The following LYPLAL1 variants were observed in gnomAD, a reference collection of about 807,000 sequenced individuals.
LYPLAL1 encodes lysophospholipase-like protein 1.
Under a neutral mutation model 19.7 loss-of-function variants are expected in LYPLAL1, and 23 were observed. The observed-to-expected ratio is 1.17, with a 90% CI of 0.84 to 1.65. The LOEUF (loss-of-function observed/expected upper bound fraction) is 1.65, where lower values mean the gene tolerates loss of function less well. LYPLAL1 is among the 40% of genes most tolerant of loss of function. The pLI is 0.00. For missense variants in LYPLAL1, 355 were observed against 279.4 expected (o/e 1.27, Z -1.93); for synonymous variants, 119 against 96.3 (o/e 1.24, Z -1.38).
chr1:219,236,903 C>T, the LYPLAL1 span, among the ~76,000 whole-genome samples: 2 of 152,100 alleles, frequency 1.3e-5, no homozygotes, highest in Non-Finnish European at 2.9e-5. Flanking sequence ...TGATGCTCTC[C>T]CTCCCCCACA....
the LYPLAL1 span, among the ~76,000 whole-genome samples, chr1:219,416,485 A>T: frequency 1.3e-5 from 2 of 152,228 alleles, no homozygotes; most frequent in Admixed American, 1.3e-4. Flanking sequence ...GCAATCTTCT[A>T]TTGAAGGGTA....
At chr1:219,279,773 CAA>C in the LYPLAL1 span, among the ~76,000 whole-genome samples, 1 of 152,004 alleles carries the variant, frequency 6.6e-6, no homozygotes, top group Admixed American at 6.5e-5. Flanking sequence ...CAGAGAAAAC[CAA>C]AGTCAAAAGG....
At chr1:219,200,296 C>A in intron 3 of LYPLAL1, 1 of 213,656 alleles carries the variant, frequency 4.7e-6, no homozygotes, top group Non-Finnish European at 1.0e-5. Context: ...TCCAGTACTT[C>A]TGTTTCATCA....
At chr1:219,200,302 C>A in intron 3 of LYPLAL1, 1 of 209,752 alleles carries the variant, frequency 4.8e-6, no homozygotes, top group South Asian at 9.4e-5. Flanking sequence ...ACTTCTGTTT[C>A]ATCAGTCATT....
the LYPLAL1 span, among the ~76,000 whole-genome samples, chr1:219,427,453 T>G: frequency 6.6e-6 from 1 of 152,248 alleles, no homozygotes; most frequent in Non-Finnish European, 1.5e-5. Context: ...TCATCCTGTG[T>G]GTGCAAATTG....
Position 219,211,666 on chromosome 1 carries a change from T to A in LYPLAL1, c.652T>A (p.Leu218Ile). 9 of 1,613,154 alleles carry A rather than the reference T, an allele frequency of 5.6e-6. No homozygotes were observed. The highest frequency in any genetic ancestry group is 7.6e-6 in the Non-Finnish European group (9 of 1,179,468). The change falls in exon 5 of 5, where the codon TTA becomes ATA. Residue 218 changes from leucine (L) to isoleucine (I), a missense_variant. Physicochemically the swap from Leu to Ile is conservative, Grantham distance 5 (BLOSUM62 2). Coordinates refer to ENST00000366928, the MANE Select transcript of LYPLAL1 (RefSeq NM_138794.5). Reference protein sequence around the residue: ...NVYHELSKTELDILKLWILTK... With the variant: ...NVYHELSKTEIDILKLWILTK... ...TTACCATGAGCTAAGCAAAACTGAG[T>A]TAGACATATTGAAGTTATGGATTCT...
chr1:219,188,243 A>G (rs1656878012), intron 2 of LYPLAL1, among the ~76,000 whole-genome samples: 1 of 151,860 alleles, frequency 6.6e-6, no homozygotes, highest in South Asian at 2.1e-4. Context: ...AAGGGAAATT[A>G]AATGTAATAA....
chr1:219,289,027 C>T, the LYPLAL1 span, among the ~76,000 whole-genome samples: 1 of 150,656 alleles, frequency 6.6e-6, no homozygotes, highest in Admixed American at 6.6e-5. Flanking sequence ...GGCTCCTTTC[C>T]TTCTAGGGAG....
chr1:219,287,947 G>T, the LYPLAL1 span, among the ~76,000 whole-genome samples: 1 of 152,150 alleles, frequency 6.6e-6, no homozygotes, highest in African/African-American at 2.4e-5. Flanking sequence ...TTTGCCTTCT[G>T]CCATGATTGT....
chr1:219,176,843 A>C (rs547761048), intron 1 of LYPLAL1, among the ~76,000 whole-genome samples: 8 of 152,348 alleles, frequency 5.3e-5, no homozygotes, highest in African/African-American at 1.7e-4. Context: ...GAATCCATTC[A>C]TTCAAGAAAT....
chr1:219,415,608 A>G, the LYPLAL1 span, among the ~76,000 whole-genome samples: 1 of 152,236 alleles, frequency 6.6e-6, no homozygotes, highest in African/African-American at 2.4e-5. Context: ...TTGCACTTCA[A>G]TGGAAATTGA....
downstream of LYPLAL1, among the ~76,000 whole-genome samples, chr1:219,213,549 A>G (rs1659181574): frequency 6.6e-6 from 1 of 152,010 alleles, no homozygotes; most frequent in Non-Finnish European, 1.5e-5. Flanking sequence ...TAATCCACAA[A>G]CATGATATGT....
At chr1:219,225,154 T>A in the LYPLAL1 span, among the ~76,000 whole-genome samples, 2 of 152,170 alleles carry the variant, frequency 1.3e-5, no homozygotes, top group African/African-American at 4.8e-5. Context: ...TAAGCACTCA[T>A]CCTAGTTCCA....
At chr1:219,419,462 G>T in the LYPLAL1 span, among the ~76,000 whole-genome samples, 2 of 151,082 alleles carry the variant, frequency 1.3e-5, no homozygotes, top group Non-Finnish European at 2.9e-5. Context: ...TTGAGAAAAA[G>T]GAATGCTGAT....
At chr1:219,263,362 A>G in the LYPLAL1 span, among the ~76,000 whole-genome samples, 1 of 152,094 alleles carries the variant, frequency 6.6e-6, no homozygotes, top group African/African-American at 2.4e-5. Flanking sequence ...AATAGTGCCA[A>G]GTTTATATCC....
the LYPLAL1 span, among the ~76,000 whole-genome samples, chr1:219,220,200 GC>G: frequency 6.6e-6 from 1 of 152,120 alleles, no homozygotes; most frequent in African/African-American, 2.4e-5. Context: ...GACCCATTAT[GC>G]CACCCTACTT....
At chr1:219,185,986 G>A (rs954007409) in intron 2 of LYPLAL1, among the ~76,000 whole-genome samples, 2 of 151,888 alleles carry the variant, frequency 1.3e-5, no homozygotes, top group African/African-American at 2.4e-5. Context: ...GAGTTACACT[G>A]TAAGAAGGGC....
chr1:219,307,356 G>A, the LYPLAL1 span, among the ~76,000 whole-genome samples: 1 of 152,132 alleles, frequency 6.6e-6, no homozygotes, highest in Non-Finnish European at 1.5e-5. Flanking sequence ...GAAGATGGTG[G>A]AATGTGAGAT....
chr1:219,440,002 T>TATAC, the LYPLAL1 span, among the ~76,000 whole-genome samples: 3 of 102,556 alleles, frequency 2.9e-5, no homozygotes, highest in Admixed American at 3.4e-4. Context: ...CACACATATA[T>TATAC]ATATATATAT....
Sources: allele counts gnomAD v4.1 joint callset (sites outside exome capture counted in the v4.1 genomes callset), GRCh38; gene constraint gnomAD v4.1.1; transcripts MANE v1.5; gene names NCBI Gene and HGNC (gene_info 2026-07-23, HGNC 2026-07-21).